MED12L: variants seen among roughly 807,000 people sequenced by gnomAD.
MED12L encodes the protein mediator complex subunit 12L.
A neutral mutation model predicts 281.3 loss-of-function variants in MED12L; 60 were observed. That is an observed-to-expected ratio of 0.21 (90% confidence interval 0.17 to 0.26). The LOEUF is 0.26. Ranked by LOEUF, MED12L falls within the 10% of genes least tolerant of loss-of-function variation. The pLI, the probability that MED12L is intolerant of heterozygous loss-of-function variation, is 1.00. For missense variants in MED12L, 2,146 were observed against 2,680.9 expected, an observed-to-expected ratio of 0.80 and a Z score of 4.41; for synonymous variants, 974 against 987.2, an observed-to-expected ratio of 0.99 and a Z score of 0.25.
In MED12L at chr3:151,355,884, T is replaced by C. The variant is rs746479913; in HGVS notation, c.2518-12T>C. 6.3e-7 allele frequency: 1 copy of C among 1,597,386 alleles called. No homozygotes were observed. Among genetic ancestry groups the C allele is most frequent in the South Asian group, 1.1e-5 (1 of 87,512 alleles). ...TATTGGTCTTACAATATTTTTGTTT[T>C]TATTTGCACAGATTTCTAACAATGT... is the stretch of plus-strand genomic sequence containing the variant. On this transcript the variant is annotated splice_polypyrimidine_tract_variant and intron_variant, in intron 18 of 44. Transcript: ENST00000687756.
At chr3:151,172,121 G>T (rs1025249956) in intron 11 of MED12L, among the ~76,000 whole-genome samples, 2 of 152,196 alleles carry the variant, frequency 1.3e-5, no homozygotes, top group African/African-American at 4.8e-5. Context: ...GTGGGAGAGA[G>T]TACGTGCAGG....
At chr3:151,349,823 C>A (rs914044292) in intron 16 of MED12L, among the ~76,000 whole-genome samples, 2 of 149,440 alleles carry the variant, frequency 1.3e-5, no homozygotes, top group Admixed American at 6.7e-5. Flanking sequence ...ACATCAAGTG[C>A]TTCTATTAAG....
At position 151,354,409 on chromosome 3, in the gene MED12L, T is replaced by A. The variant is rs575967289; in HGVS notation, c.2399-712T>A. Among the ~76,000 whole-genome samples, 12 of 152,266 alleles carry A rather than the reference T, an allele frequency of 7.9e-5. No individual in the cohort carries two copies. In the East Asian group the frequency reaches 2.1e-3, roughly 27 times the overall value. Reference sequence around the variant, plus strand: ...GATAAACATGTCACTTCTTCATTAATGTGGAATGATTTAATTTTTTGCCAC... The same window carrying A: ...GATAAACATGTCACTTCTTCATTAAAGTGGAATGATTTAATTTTTTGCCAC... On this transcript the variant is annotated intron_variant, in intron 17 of 44. Coordinates refer to ENST00000687756, the MANE Select transcript of MED12L (RefSeq NM_001393769.1).
intron 41 of MED12L, among the ~76,000 whole-genome samples, chr3:151,411,785 T>A (rs1039429463): frequency 6.6e-6 from 1 of 152,186 alleles, no homozygotes; most frequent in Non-Finnish European, 1.5e-5. Flanking sequence ...TTTGCTTCAG[T>A]GTTCTTTTTT....
intron 16 of MED12L, among the ~76,000 whole-genome samples, chr3:151,309,544 T>G (rs746006716): frequency 1.3e-5 from 2 of 152,212 alleles, no homozygotes; most frequent in African/African-American, 4.8e-5. Context: ...CATTTTATCC[T>G]GAAAATCCCT....
intron 16 of MED12L, among the ~76,000 whole-genome samples, chr3:151,309,824 A>G (rs1245700483): frequency 1.3e-5 from 2 of 152,234 alleles, no homozygotes; most frequent in African/African-American, 2.4e-5. Flanking sequence ...ACTATTAGGC[A>G]GTCATGGAAT....
chr3:151,425,451 G>A, intron 43 of MED12L: 1 of 291,364 alleles, frequency 3.4e-6, no homozygotes, highest in Non-Finnish European at 6.9e-6. Context: ...GCCAGGCTGG[G>A]GTGCAGCAAT....
chr3:151,242,824 C>T (rs1158140128), intron 16 of MED12L, among the ~76,000 whole-genome samples: 3 of 150,348 alleles, frequency 2.0e-5, no homozygotes, highest in Non-Finnish European at 3.0e-5. Context: ...CTCTGAGCTA[C>T]GGGAGGACAT....
intron 16 of MED12L, among the ~76,000 whole-genome samples, chr3:151,237,521 T>G (rs903009072): frequency 6.6e-6 from 1 of 151,490 alleles, no homozygotes; most frequent in Non-Finnish European, 1.5e-5. Flanking sequence ...GGCTAATTTT[T>G]TGTATTTTTA....
At chr3:151,217,576 C>G (rs1345082911) in intron 16 of MED12L, among the ~76,000 whole-genome samples, 1 of 152,194 alleles carries the variant, frequency 6.6e-6, no homozygotes, top group African/African-American at 2.4e-5. Context: ...AGTTTTGATG[C>G]AATTGCAGAT....
chr3:151,261,834 TG>T (rs1738972276), intron 16 of MED12L, among the ~76,000 whole-genome samples: 1 of 152,020 alleles, frequency 6.6e-6, no homozygotes, highest in African/African-American at 2.4e-5. Flanking sequence ...AATACATTCT[TG>T]TGCCTCAGCC....
intron 16 of MED12L, among the ~76,000 whole-genome samples, chr3:151,281,107 A>G (rs1038385523): frequency 1.3e-5 from 2 of 152,000 alleles, no homozygotes; most frequent in African/African-American, 2.4e-5. Context: ...AGATATTTTA[A>G]ACTAGGCACG....
intron 8 of MED12L, among the ~76,000 whole-genome samples, chr3:151,160,360 T>C (rs1482248629): frequency 1.3e-5 from 2 of 152,194 alleles, no homozygotes; most frequent in Non-Finnish European, 2.9e-5. Context: ...TAAAAATCCT[T>C]CAGGGAACCC....
chr3:151,214,320 G>C, intron 16 of MED12L: 1 of 1,610,430 alleles, frequency 6.2e-7, no homozygotes. Context: ...TGATCATCTT[G>C]TAACTTCTGA....
At position 151,338,485 on chromosome 3, in the gene MED12L, C is replaced by T. The variant is rs370954402; in HGVS notation, c.2251-11574C>T. 2.1e-5 allele frequency: 34 copies of T among 1,613,356 alleles called. No homozygotes were observed. The African/African-American group carries it at 3.6e-4, about 17-fold the overall frequency. On this transcript the variant is annotated intron_variant, in intron 16 of 44. Coordinates refer to ENST00000687756, the MANE Select transcript of MED12L (RefSeq NM_001393769.1). Reference sequence around the variant, plus strand: ...GGCCTGGTGGTCTTCTGGTAGCGATCGATAGTTATCAGTCCCAGGAATGAA... The same window carrying T: ...GGCCTGGTGGTCTTCTGGTAGCGATTGATAGTTATCAGTCCCAGGAATGAA...
At chr3:151,356,097 G>C (rs1577421342) in intron 19 of MED12L, 58 bp downstream of exon 19, 3 of 1,538,200 alleles carry the variant, frequency 2.0e-6, no homozygotes, top group Non-Finnish European at 2.6e-6. Flanking sequence ...CAGGCATTGT[G>C]CAATTTAAAG....
chr3:151,314,620 C>T (rs552169477), intron 16 of MED12L, among the ~76,000 whole-genome samples: 2 of 152,238 alleles, frequency 1.3e-5, no homozygotes, highest in East Asian at 1.9e-4. Context: ...CTAGCGAAGT[C>T]GAGATTTGAT....
intron 16 of MED12L, among the ~76,000 whole-genome samples, chr3:151,305,085 C>T (rs1297333420): frequency 6.6e-6 from 1 of 152,194 alleles, no homozygotes; most frequent in East Asian, 1.9e-4. Context: ...TCTGAATGAT[C>T]AGTGCCTCAG....
intron 16 of MED12L, among the ~76,000 whole-genome samples, chr3:151,246,290 C>G (rs901388488): frequency 7.2e-5 from 11 of 152,086 alleles, no homozygotes; most frequent in Admixed American, 3.3e-4. Flanking sequence ...CATATGGAAC[C>G]AAAAAAGAGC....
Sources: allele counts gnomAD v4.1 joint callset (sites outside exome capture counted in the v4.1 genomes callset), GRCh38; gene constraint gnomAD v4.1.1; transcripts MANE v1.5; gene names NCBI Gene and HGNC (gene_info 2026-07-23, HGNC 2026-07-21).